RANBP6: variants seen among roughly 807,000 people sequenced by gnomAD.
RANBP6 encodes the protein RAN binding protein 6, also known as ran-binding protein 6.
In RANBP6, 10 loss-of-function variants were observed where a neutral mutation model predicts 35.3. That is an observed-to-expected ratio of 0.28 (90% CI 0.17 to 0.48). RANBP6 has a LOEUF of 0.48. Among genes scored for constraint, RANBP6 ranks in the 20% least tolerant of loss-of-function variants. The pLI, the probability that RANBP6 is intolerant of heterozygous loss-of-function variation, is 0.99. For synonymous variants in RANBP6, 514 were observed against 464.2 expected, an observed-to-expected ratio of 1.11 and a Z score of -1.38; for missense variants, 1,392 against 1,307.7, an observed-to-expected ratio of 1.06 and a Z score of -0.99.
rs1197234218 is a variant in RANBP6, at chr9:6,014,569, C to A, written c.1039G>T (p.Ala347Ser). ...GCCAGTCTGTCTAGTGCACTCTCCG[C>A]AGCAACTGCATTGCTGTCAAAATCA... ...EDDFDSNAVA[A>S]ESALDRLACG... The change falls in exon 1 of 1, where the codon GCG (alanine) becomes TCG (serine). Residue 347 changes from alanine (A) to serine (S), a missense_variant. Transcript: ENST00000259569. The A allele has an allele frequency of 6.2e-7, 1 of 1,614,080 alleles. No individual in the cohort carries two copies. Among genetic ancestry groups the A allele is most frequent in the Non-Finnish European group, 8.5e-7 (1 of 1,180,048 alleles).
Position 6,015,055 on chromosome 9 carries a change from A to T in RANBP6, c.553T>A (p.Leu185Met). 1 of 1,614,222 alleles carries T rather than the reference A, an allele frequency of 6.2e-7. No homozygotes were observed. The highest frequency in any genetic ancestry group is 8.5e-7 in the Non-Finnish European group (1 of 1,180,040). The change falls in exon 1 of 1, where the codon TTG (leucine) becomes ATG (methionine). Residue 185 changes from leucine to methionine, a missense_variant. Transcript: ENST00000259569. ...RHDLDIIKRL[L>M]DQCIQDQEHP... ...TCTTGATCTTGAATACACTGGTCCA[A>T]CAACCGTTTGATGATATCCAAATCA...
Position 6,014,005 on chromosome 9 carries a change from A to G in RANBP6, c.1603T>C (p.Phe535Leu). 1 of 1,613,730 alleles carries G rather than the reference A, an allele frequency of 6.2e-7. No homozygotes were observed. Among genetic ancestry groups the G allele is most frequent in the Non-Finnish European group, 8.5e-7 (1 of 1,179,902 alleles). ...ASVADTIEEKFVPYYDIFMPS... is the reference protein window; with the variant it reads ...ASVADTIEEKLVPYYDIFMPS... ...ATGAATATATCATAATATGGGACAAATTTTTCTTCTATTGTATCTGCAACT... is the reference window on the plus strand; with the variant it reads ...ATGAATATATCATAATATGGGACAAGTTTTTCTTCTATTGTATCTGCAACT... The change falls in exon 1 of 1, where the codon TTT becomes CTT. Residue 535 changes from phenylalanine to leucine, a missense_variant. Transcript: ENST00000259569.
Position 6,013,370 on chromosome 9 carries a change from G to T in RANBP6, c.2238C>A (p.Gly746=). 1 of 1,614,132 alleles carries T rather than the reference G, an allele frequency of 6.2e-7. No individual in the cohort carries two copies. The highest frequency in any genetic ancestry group is 8.5e-7 in the Non-Finnish European group (1 of 1,180,002). Reference sequence around the variant, plus strand: ...GCCACATCTGTGCAAGATACTCTGGGCCACGAATTCTTGCACATTCCAGGA... The same window carrying T: ...GCCACATCTGTGCAAGATACTCTGGTCCACGAATTCTTGCACATTCCAGGA... ...PFLLECARIR[G]PEYLAQMWQF... The change falls in exon 1 of 1, where the codon GGC becomes GGA. Residue 746 remains glycine, a synonymous_variant. Coordinates refer to ENST00000259569, the MANE Select transcript of RANBP6 (RefSeq NM_012416.4).
Position 6,012,833 on chromosome 9 carries a change from G to C in RANBP6, c.2775C>G (p.Asn925Lys). 6.2e-7 allele frequency: 1 copy of C among 1,614,072 alleles called. No homozygotes were observed. The highest frequency in any genetic ancestry group is 1.7e-5 in the Admixed American group (1 of 60,006). The part of the protein sequence containing the change: ...RWPMLLNMRD[N>K]NPEVRQAAAY... ...CAGCAGCTTGCCTGACTTCAGGGTT[G>C]TTATCTCGCATATTTAGTAGCATTG... is the stretch of plus-strand genomic sequence containing the variant. Residue 925 changes from asparagine (N) to lysine (K), a missense_variant, in exon 1 of 1, where the codon AAC (asparagine) becomes AAG (lysine). Coordinates refer to ENST00000259569, the MANE Select transcript of RANBP6 (RefSeq NM_012416.4).
rs765333948 is a variant in RANBP6 at position 6,013,642 on chromosome 9, C to T, written c.1966G>A (p.Val656Met). Residue 656 changes from valine to methionine, a missense_variant, in exon 1 of 1, where the codon GTG becomes ATG. By Grantham distance (21) the Val-to-Met change is conservative. Coordinates refer to ENST00000259569, the MANE Select transcript of RANBP6 (RefSeq NM_012416.4). ...CCATCATCGTCACTCATATTTTCCA[C>T]ATCCTGTGTGTCTAAGAGAGCAACA... ...PDVALLDTQD[V>M]ENMSDDDGWQ... 8 of 1,614,126 alleles carry T rather than the reference C, an allele frequency of 5.0e-6. No homozygotes were observed. Among genetic ancestry groups the T allele is most frequent in the Non-Finnish European group, 2.5e-6 (3 of 1,180,054 alleles).
Position 6,011,411 on chromosome 9 carries a change from A to G in RANBP6, c.*879T>C, listed in dbSNP as rs1382250794. 1 of 152,226 alleles carries G rather than the reference A, an allele frequency of 6.6e-6. No homozygotes were observed. The highest frequency in any genetic ancestry group is 1.5e-5 in the Non-Finnish European group (1 of 68,036). 9.4% of individuals were successfully genotyped at this position (152,226 alleles called of 1,614,324 possible). ...TAGAATCTCTTAGGAAATTATTTGA[A>G]ATAGAAATCAATTTAAGCCCTATAA... On this transcript the variant is annotated 3_prime_UTR_variant, in exon 1 of 1. Coordinates refer to ENST00000259569, the MANE Select transcript of RANBP6 (RefSeq NM_012416.4).
rs553954901 is a variant in RANBP6 at position 6,014,676 on chromosome 9, T to A, written c.932A>T (p.Gln311Leu). 1.5e-5 allele frequency: 25 copies of A among 1,614,086 alleles called. No individual in the cohort carries two copies. Among genetic ancestry groups the A allele is most frequent in the Non-Finnish European group, 2.1e-5 (25 of 1,180,058 alleles). ...CATTGCTAATATATGAGGAACTGCC[T>A]GTGCAATAATATTTGTATGTTTTTT... ...MLKKHTNIIAQAVPHILAMMV... is the reference protein window; with the variant it reads ...MLKKHTNIIALAVPHILAMMV... Residue 311 changes from glutamine (Q) to leucine (L), a missense_variant, in exon 1 of 1, where the codon CAG (glutamine) becomes CTG (leucine). Coordinates refer to ENST00000259569, the MANE Select transcript of RANBP6 (RefSeq NM_012416.4).
chr9:6,013,805 A>G lies in RANBP6; in HGVS notation c.1803T>C (p.Asn601=). The G allele has an allele frequency of 1.2e-6, 2 of 1,613,930 alleles. No individual in the cohort carries two copies. The highest frequency in any genetic ancestry group is 1.7e-6 in the Non-Finnish European group (2 of 1,180,030). Reference sequence around the variant, plus strand: ...AGGTCTGAGGGTCATCATCTTCCATATTATTTAAGTCTGATTGTGTCTTCA... The same window carrying G: ...AGGTCTGAGGGTCATCATCTTCCATGTTATTTAAGTCTGATTGTGTCTTCA... The part of the protein sequence containing the change: ...LLLKTQSDLN[N]MEDDDPQTSY... The change falls in exon 1 of 1, where the codon AAT becomes AAC. Residue 601 remains asparagine, a synonymous_variant. Coordinates refer to ENST00000259569, the MANE Select transcript of RANBP6 (RefSeq NM_012416.4).
chr9:6,015,622 G>C lies in RANBP6; in HGVS notation c.-15C>G. On this transcript the variant is annotated 5_prime_UTR_variant, in exon 1 of 1. Transcript: ENST00000259569. ...GTTGCCGCCATTGCGCTCTGTCAAA[G>C]CTACCGCGACCGGGAAGGAGGGAGG... is the stretch of plus-strand genomic sequence containing the variant. 6.4e-7 allele frequency: 1 copy of C among 1,569,810 alleles called. No homozygotes were observed. The highest frequency in any genetic ancestry group is 2.2e-5 in the East Asian group (1 of 44,686).
At position 6,013,632 on chromosome 9, in the gene RANBP6, A is replaced by G. The variant is rs759707261; in HGVS notation, c.1976T>C (p.Met659Thr). The G allele has an allele frequency of 2.5e-6, 4 of 1,614,208 alleles. No homozygotes were observed. Among genetic ancestry groups the G allele is most frequent in the Non-Finnish European group, 3.4e-6 (4 of 1,180,040 alleles). The change falls in exon 1 of 1, where the codon ATG (methionine) becomes ACG (threonine). Residue 659 changes from methionine to threonine, a missense_variant. Transcript: ENST00000259569. ...AAATTGCCAGCCATCATCGTCACTC[A>G]TATTTTCCACATCCTGTGTGTCTAA... ...ALLDTQDVEN[M>T]SDDDGWQFVN...
Position 6,012,865 on chromosome 9 carries a change from G to C in RANBP6, c.2743C>G (p.Arg915Gly), listed in dbSNP as rs776430811. The C allele has an allele frequency of 3.1e-6, 5 of 1,613,800 alleles. No individual in the cohort carries two copies. The highest frequency in any genetic ancestry group is 4.2e-6 in the Non-Finnish European group (5 of 1,179,950). Residue 915 changes from arginine (R) to glycine (G), a missense_variant, in exon 1 of 1, where the codon CGG (arginine) becomes GGG (glycine). Transcript: ENST00000259569. ...CGCATATTTAGTAGCATTGGCCACC[G>C]AAAATATTCTACATATTTAAATGAA... ...PTSFKYVEYF[R>G]WPMLLNMRDN... is the part of the protein sequence containing the mutation.
rs1842464384 is a variant in RANBP6, at chr9:6,011,216, C to T, written c.*1074G>A. 1 of 152,200 alleles carries T rather than the reference C, an allele frequency of 6.6e-6. No individual in the cohort carries two copies. Among genetic ancestry groups the T allele is most frequent in the Non-Finnish European group, 1.5e-5 (1 of 68,028 alleles). 9.4% of individuals were successfully genotyped at this position (152,200 alleles called of 1,614,324 possible). ...CCTACAATAAGCTCGACATTAAAGACTGACATTCCAATTAATATAATTAAC... is the reference window on the plus strand; with the variant it reads ...CCTACAATAAGCTCGACATTAAAGATTGACATTCCAATTAATATAATTAAC... On this transcript the variant is annotated 3_prime_UTR_variant, in exon 1 of 1. Transcript: ENST00000259569.
rs1178522098 is a variant in RANBP6, at chr9:6,014,302, T to C, written c.1306A>G (p.Thr436Ala). Residue 436 changes from threonine (T) to alanine (A), a missense_variant, in exon 1 of 1, where the codon ACA becomes GCA. Physicochemically the swap from Thr to Ala is moderately conservative, Grantham distance 58. Transcript: ENST00000259569. The stretch of plus-strand genomic sequence containing the variant: ...TTTTGGAAATTAGGTGCAAAATCTG[T>C]AGCCATCTGTCCAAGTGTAGTACAG... ...AACTTLGQMA[T>A]DFAPNFQKKF... 1.9e-6 allele frequency: 3 copies of C among 1,614,254 alleles called. No individual in the cohort carries two copies. Among genetic ancestry groups the C allele is most frequent in the East Asian group, 4.5e-5 (2 of 44,888 alleles).
chr9:6,015,547 G>C lies in RANBP6; in HGVS notation c.61C>G (p.Gln21Glu), dbSNP rs1163189292. The C allele has an allele frequency of 5.6e-6, 9 of 1,610,800 alleles. No individual in the cohort carries two copies. Among genetic ancestry groups the C allele is most frequent in the Non-Finnish European group, 6.8e-6 (8 of 1,179,842 alleles). Residue 21 changes from glutamine to glutamate, a missense_variant, in exon 1 of 1, where the codon CAG (glutamine) becomes GAG (glutamate). Gln to Glu is a conservative substitution (Grantham distance 29). Transcript: ENST00000259569. ...GGATTGATCAGGTTCTTCAGAAGCT[G>C]GTAAAACTCTTGCTTTTCTGACACG... ...ATVSEKQEFYQLLKNLINPSC... is the reference protein window; with the variant it reads ...ATVSEKQEFYELLKNLINPSC...
Position 6,012,845 on chromosome 9 carries a change from A to G in RANBP6, c.2763T>C (p.Asn921=). 6.2e-7 allele frequency: 1 copy of G among 1,614,076 alleles called. No individual in the cohort carries two copies. The highest frequency in any genetic ancestry group is 8.5e-7 in the Non-Finnish European group (1 of 1,179,990). The change falls in exon 1 of 1, where the codon AAT becomes AAC. Residue 921 remains asparagine, a synonymous_variant. Transcript: ENST00000259569. ...TGACTTCAGGGTTGTTATCTCGCAT[A>G]TTTAGTAGCATTGGCCACCGAAAAT... ...VEYFRWPMLL[N]MRDNNPEVRQ... is the part of the protein sequence containing the mutation.
In RANBP6 at chr9:6,013,960, C is replaced by A. The variant is rs1399350496; in HGVS notation, c.1648G>T (p.Val550Phe). ...AGTTCCTTCTGAACAGCAAGCTCAA[C>A]AATGTGCTTTAGTGAGGGCATGAAT... ...DIFMPSLKHI[V>F]ELAVQKELKL... Residue 550 changes from valine (V) to phenylalanine (F), a missense_variant, in exon 1 of 1, where the codon GTT (valine) becomes TTT (phenylalanine). Val to Phe is a conservative substitution (Grantham distance 50). Transcript: ENST00000259569. The A allele has an allele frequency of 6.2e-7, 1 of 1,613,904 alleles. No individual in the cohort carries two copies. Among genetic ancestry groups the A allele is most frequent in the South Asian group, 1.1e-5 (1 of 91,080 alleles).
chr9:6,013,831 A>G lies in RANBP6; in HGVS notation c.1777T>C (p.Leu593=), dbSNP rs1445872143. The G allele has an allele frequency of 1.9e-6, 3 of 1,613,926 alleles. No individual in the cohort carries two copies. The highest frequency in any genetic ancestry group is 1.3e-5 in the African/African-American group (1 of 74,948). The part of the protein sequence containing the change: ...QDASNVMQLL[L]KTQSDLNNME... ...TTATTTAAGTCTGATTGTGTCTTCA[A>G]CAACAGCTGCATCACATTTGATGCA... The change falls in exon 1 of 1, where the codon TTG becomes CTG. Residue 593 remains leucine, a synonymous_variant. Coordinates refer to ENST00000259569, the MANE Select transcript of RANBP6 (RefSeq NM_012416.4).
rs147656307 is a variant in RANBP6, at chr9:6,015,194, C to A, written c.414G>T (p.Pro138=). The part of the protein sequence containing the change: ...LIDEDGTNHW[P]EGLKFLIDSI... Reference sequence around the variant, plus strand: ...AATCAATAAGAAACTTCAGACCTTCCGGCCAGTGGTTAGTGCCATCCTCAT... The same window carrying A: ...AATCAATAAGAAACTTCAGACCTTCAGGCCAGTGGTTAGTGCCATCCTCAT... The change falls in exon 1 of 1, where the codon CCG becomes CCT. Residue 138 remains proline, a synonymous_variant. Coordinates refer to ENST00000259569, the MANE Select transcript of RANBP6 (RefSeq NM_012416.4). The A allele has an allele frequency of 3.3e-5, 53 of 1,614,160 alleles. No homozygotes were observed. In the African/African-American group the frequency reaches 6.7e-4, roughly 20 times the overall value.
chr9:6,015,615 T>A lies in RANBP6; in HGVS notation c.-8A>T, dbSNP rs528480880. The A allele has an allele frequency of 2.5e-6, 4 of 1,577,812 alleles. No homozygotes were observed. The Admixed American group carries it at 5.3e-5, about 21-fold the overall frequency. On this transcript the variant is annotated 5_prime_UTR_variant, in exon 1 of 1. Coordinates refer to ENST00000259569, the MANE Select transcript of RANBP6 (RefSeq NM_012416.4). ...AGACGCGGTTGCCGCCATTGCGCTC[T>A]GTCAAAGCTACCGCGACCGGGAAGG...
Sources: allele counts gnomAD v4.1 joint callset, GRCh38; gene constraint gnomAD v4.1.1; transcripts MANE v1.5; gene names NCBI Gene and HGNC (gene_info 2026-07-23, HGNC 2026-07-21).